SPATA16: variants seen among roughly 807,000 people sequenced by gnomAD.
SPATA16 encodes the protein spermatogenesis associated 16.
In SPATA16, 36 loss-of-function variants were observed where a neutral mutation model predicts 63.3. That is an observed-to-expected ratio of 0.57 (90% CI 0.44 to 0.75). The LOEUF (loss-of-function observed/expected upper bound fraction) is 0.75. SPATA16 is among the 30% of genes least tolerant of loss of function. The pLI, the probability that SPATA16 is intolerant of heterozygous loss-of-function variation, is 0.00. For synonymous variants in SPATA16, 203 were observed against 216.7 expected (o/e 0.94, Z 0.56); for missense variants, 646 against 679.3 (o/e 0.95, Z 0.54).
chr3:173,059,430 T>C (rs1736323545), intron 2 of SPATA16, among the ~76,000 whole-genome samples: 1 of 151,900 alleles, frequency 6.6e-6, no homozygotes, highest in Non-Finnish European at 1.5e-5. Context: ...TATCTTACTT[T>C]TTCTTATTCA....
chr3:173,097,778 C>T (rs1300303678), intron 2 of SPATA16, among the ~76,000 whole-genome samples: 1 of 152,176 alleles, frequency 6.6e-6, no homozygotes, highest in Non-Finnish European at 1.5e-5. Context: ...GAAGCTGTTG[C>T]TCTACTTCCA....
At chr3:173,135,371 T>C (rs374608444) in intron 1 of SPATA16, among the ~76,000 whole-genome samples, 1 of 152,234 alleles carries the variant, frequency 6.6e-6, no homozygotes. Context: ...AAATGTAAGA[T>C]GGTACAACCA....
rs571663626 is a variant in SPATA16, at chr3:172,971,778, C to T, written c.933+5190G>A. Among the ~76,000 whole-genome samples the T allele has an allele frequency of 3.3e-5, 5 of 152,274 alleles. No homozygotes were observed. In the East Asian group the frequency reaches 9.6e-4, roughly 29 times the overall value. On this transcript the variant is annotated intron_variant, in intron 5 of 10. Transcript: ENST00000351008. The stretch of plus-strand genomic sequence containing the variant: ...ATGACCATGGTGCAGTTTATGGAGT[C>T]ACTCATGACAATAACATTGTGGGTG...
chr3:173,038,281 G>A (rs943730832), intron 3 of SPATA16, among the ~76,000 whole-genome samples: 3 of 152,038 alleles, frequency 2.0e-5, no homozygotes, highest in Non-Finnish European at 4.4e-5. Flanking sequence ...TCCAAGCCAA[G>A]TGTCCCAGAA....
At chr3:173,090,920 T>C (rs1213720216) in intron 2 of SPATA16, among the ~76,000 whole-genome samples, 8 of 152,212 alleles carry the variant, frequency 5.3e-5, no homozygotes, top group Admixed American at 3.3e-4. Flanking sequence ...TTTAGTTTGC[T>C]TCTGGGCACC....
At chr3:173,013,591 A>G (rs909064864) in intron 4 of SPATA16, among the ~76,000 whole-genome samples, 3 of 152,252 alleles carry the variant, frequency 2.0e-5, no homozygotes, top group Non-Finnish European at 4.4e-5. Flanking sequence ...GGACAAAGAC[A>G]GTTAATCAAA....
intron 1 of SPATA16, among the ~76,000 whole-genome samples, chr3:173,121,754 T>TA (rs1491227784): frequency 1.3e-5 from 2 of 152,182 alleles, no homozygotes; most frequent in African/African-American, 2.4e-5. Flanking sequence ...TGGATTTTTT[T>TA]AAAAAGGTAT....
intron 6 of SPATA16, among the ~76,000 whole-genome samples, chr3:172,931,102 G>A (rs1038732366): frequency 1.1e-4 from 17 of 152,202 alleles, no homozygotes; most frequent in African/African-American, 4.1e-4. Flanking sequence ...GGGATTACAG[G>A]CGTGAGCCAC....
chr3:173,028,008 TCCCTC>T lies in SPATA16; in HGVS notation c.759-8438_759-8434del, dbSNP rs1560100919. Reference sequence around the variant, plus strand: ...CTCCCTCCCTCCCTCCCTCCCTCCCTCCCTCCCTTCCTTCTTTCCTTCCTTCCTTC... The same window carrying T: ...CTCCCTCCCTCCCTCCCTCCCTCCCTCCTTCCTTCTTTCCTTCCTTCCTTC... On this transcript the variant is annotated intron_variant, in intron 3 of 10. Transcript: ENST00000351008. Among the ~76,000 whole-genome samples the T allele has an allele frequency of 1.6e-3, 62 of 37,584 alleles. 2 individuals are homozygous for T. Among genetic ancestry groups the T allele is most frequent in the Non-Finnish European group, 2.4e-3 (49 of 20,122 alleles). The allele number at this position is 37,584 out of a possible 152,430, so 24.7% of individuals were successfully genotyped here.
At chr3:172,955,019 C>A (rs1351829070) in intron 6 of SPATA16, among the ~76,000 whole-genome samples, 2 of 152,194 alleles carry the variant, frequency 1.3e-5, no homozygotes, top group East Asian at 3.8e-4. Context: ...TAATTATCTT[C>A]TCTCCCAAAG....
chr3:172,962,810 GTTA>G (rs1733820519), intron 5 of SPATA16, among the ~76,000 whole-genome samples: 1 of 151,868 alleles, frequency 6.6e-6, no homozygotes, highest in South Asian at 2.1e-4. Flanking sequence ...AAACCTCTTT[GTTA>G]TTATATTAAT....
At chr3:172,915,481 G>T (rs1049999542) in intron 9 of SPATA16, among the ~76,000 whole-genome samples, 3 of 151,924 alleles carry the variant, frequency 2.0e-5, no homozygotes, top group African/African-American at 7.3e-5. Flanking sequence ...TTCAATTCAG[G>T]GCTATAATTA....
intron 6 of SPATA16, among the ~76,000 whole-genome samples, chr3:172,940,822 G>C (rs773150049): frequency 6.6e-6 from 1 of 151,722 alleles, no homozygotes; most frequent in Non-Finnish European, 1.5e-5. Flanking sequence ...GTCTCTACTA[G>C]CATACAAAAA....
intron 2 of SPATA16, among the ~76,000 whole-genome samples, chr3:173,057,992 A>C (rs1338467601): frequency 6.6e-6 from 1 of 152,196 alleles, no homozygotes; most frequent in African/African-American, 2.4e-5. Flanking sequence ...TTAGGAATTT[A>C]GATAATTCAG....
chr3:173,027,780 T>G (rs1487513061), intron 3 of SPATA16, among the ~76,000 whole-genome samples: 1 of 151,858 alleles, frequency 6.6e-6, no homozygotes, highest in Non-Finnish European at 1.5e-5. Flanking sequence ...TGCTTTACCC[T>G]TCCTTCAGTG....
rs1390620037 is a variant in SPATA16 at position 173,133,680 on chromosome 3, T to TA, written c.-19+7422dup. ...ACAAGGCTTTTACGTACATAAAATATAAAAAAATTGATGAATACAAGGAGA... is the reference window on the plus strand; with the variant it reads ...ACAAGGCTTTTACGTACATAAAATATAAAAAAAATTGATGAATACAAGGAGA... On this transcript the variant is annotated intron_variant, in intron 1 of 10. Coordinates refer to ENST00000351008, the MANE Select transcript of SPATA16 (RefSeq NM_031955.6). Among the ~76,000 whole-genome samples, 4 of 152,156 alleles carry TA rather than the reference T, an allele frequency of 2.6e-5. No individual in the cohort carries two copies. In the South Asian group the frequency reaches 6.2e-4, roughly 24 times the overall value.
At chr3:172,894,126 T>C (rs1731956089) in intron 10 of SPATA16, among the ~76,000 whole-genome samples, 1 of 152,224 alleles carries the variant, frequency 6.6e-6, no homozygotes, top group Non-Finnish European at 1.5e-5. Flanking sequence ...GACATTTCAC[T>C]CCACCACAGT....
At position 173,059,916 on chromosome 3, in the gene SPATA16, C is replaced by G. The variant is rs375873536; in HGVS notation, c.613-10822G>C. Among the ~76,000 whole-genome samples the G allele has an allele frequency of 9.9e-5, 13 of 131,474 alleles. 1 individual carries two copies. Among genetic ancestry groups the G allele is most frequent in the Admixed American group, 3.7e-4 (4 of 10,812 alleles). The allele number at this position is 131,474 out of a possible 152,430, so 86.3% of individuals were successfully genotyped here. A position where few individuals can be genotyped will look rare whatever the true frequency, so the allele number is the denominator to read the frequency against. ...AAGCCCAGCATTTTGAGTGACTCTCCTTTGTTATGTGGAGGAAAGTCAGTC... is the reference window on the plus strand; with the variant it reads ...AAGCCCAGCATTTTGAGTGACTCTCGTTTGTTATGTGGAGGAAAGTCAGTC... On this transcript the variant is annotated intron_variant, in intron 2 of 10. Coordinates refer to ENST00000351008, the MANE Select transcript of SPATA16 (RefSeq NM_031955.6).
intron 4 of SPATA16, among the ~76,000 whole-genome samples, chr3:172,987,616 T>C (rs1364746539): frequency 6.6e-6 from 1 of 152,210 alleles, no homozygotes; most frequent in Non-Finnish European, 1.5e-5. Context: ...AAAAATGTCA[T>C]ATTAGGTCAT....
Sources: gnomAD v4.1 joint callset for allele counts (sites outside exome capture counted in the v4.1 genomes callset) on GRCh38, gnomAD v4.1.1 for gene constraint, MANE v1.5 for transcripts, NCBI Gene and HGNC (gene_info 2026-07-23, HGNC 2026-07-21) for gene names.